The following OSBPL8 variants were observed in gnomAD, a reference collection of about 807,000 sequenced individuals.
OSBPL8 encodes the protein oxysterol-binding protein-related protein 8.
Under a neutral mutation model 125.5 loss-of-function variants are expected in OSBPL8, and 59 were observed. The ratio of observed to expected loss-of-function variants is 0.47; its 90% CI spans 0.38 to 0.58. The LOEUF is 0.58. OSBPL8 is among the 20% of genes least tolerant of loss of function. The pLI, the probability that OSBPL8 is intolerant of heterozygous loss-of-function variation, is 0.00. For synonymous variants in OSBPL8, 330 were observed against 338.9 expected (o/e 0.97, Z 0.29); for missense variants, 758 against 1,047.8 (o/e 0.72, Z 3.82).
intron 2 of OSBPL8, among the ~76,000 whole-genome samples, chr12:76,478,507 T>C (rs892771659): frequency 6.6e-6 from 1 of 152,176 alleles, no homozygotes; most frequent in Non-Finnish European, 1.5e-5. Flanking sequence ...GTTATTTCTC[T>C]TTCTTTTAAA....
At chr12:76,543,907 A>G (rs1950712631) in intron 1 of OSBPL8, among the ~76,000 whole-genome samples, 2 of 152,218 alleles carry the variant, frequency 1.3e-5, no homozygotes, top group East Asian at 1.9e-4. Context: ...CCAGAATTAA[A>G]TTACCATTCA....
chr12:76,499,353 C>CTATCATCTATG (rs1879648116), intron 1 of OSBPL8, among the ~76,000 whole-genome samples: 1 of 135,770 alleles, frequency 7.4e-6, no homozygotes, highest in African/African-American at 2.8e-5. Flanking sequence ...TATCTATCAT[C>CTATCATCTATG]TATCTATCTA....
chr12:76,431,916 CAGA>C (rs780182398), intron 4 of OSBPL8, among the ~76,000 whole-genome samples: 4 of 152,060 alleles, frequency 2.6e-5, no homozygotes, highest in Admixed American at 6.6e-5. Context: ...TCCCCAACAG[CAGA>C]AGAATACATG....
intron 2 of OSBPL8, among the ~76,000 whole-genome samples, chr12:76,472,878 T>C (rs1013020591): frequency 6.6e-6 from 1 of 152,108 alleles, no homozygotes; most frequent in African/African-American, 2.4e-5. Flanking sequence ...GCCTGACTGA[T>C]GTCAGGCCCT....
At chr12:76,499,020 A>G (rs947254750) in intron 1 of OSBPL8, among the ~76,000 whole-genome samples, 7 of 152,108 alleles carry the variant, frequency 4.6e-5, no homozygotes, top group African/African-American at 1.7e-4. Flanking sequence ...GCCAAAGGAG[A>G]TTAACATTTC....
At chr12:76,430,109 T>C (rs1870632565) in intron 4 of OSBPL8, among the ~76,000 whole-genome samples, 1 of 152,070 alleles carries the variant, frequency 6.6e-6, no homozygotes, top group African/African-American at 2.4e-5. Context: ...GTCCGCTGAG[T>C]GACCTCTCTG....
At chr12:76,397,565 T>C in intron 8 of OSBPL8, 129 bp downstream of exon 8, 1 of 927,804 alleles carries the variant, frequency 1.1e-6, no homozygotes, top group Middle Eastern at 3.2e-4. Flanking sequence ...AATGGGGGAA[T>C]AATGCAATGG....
intron 12 of OSBPL8, among the ~76,000 whole-genome samples, chr12:76,388,873 T>A (rs1252501326): frequency 6.6e-6 from 1 of 152,170 alleles, no homozygotes; most frequent in Non-Finnish European, 1.5e-5. Context: ...CAATGTTCGC[T>A]CATGCCATTT....
chr12:76,408,213 G>A (rs1487089034), intron 5 of OSBPL8, among the ~76,000 whole-genome samples: 2 of 149,192 alleles, frequency 1.3e-5, no homozygotes, highest in African/African-American at 4.9e-5. Context: ...TGTAATCCCA[G>A]CATTCTGGGA....
At chr12:76,451,987 C>T (rs1025049131) in intron 3 of OSBPL8, among the ~76,000 whole-genome samples, 2 of 151,988 alleles carry the variant, frequency 1.3e-5, no homozygotes, top group East Asian at 1.9e-4. Flanking sequence ...GACGTGTTGG[C>T]GCGCCTGTAA....
intron 1 of OSBPL8, among the ~76,000 whole-genome samples, chr12:76,492,134 C>T (rs183530125): frequency 4.9e-4 from 75 of 151,730 alleles, no homozygotes; most frequent in African/African-American, 1.6e-3. Context: ...CTAAGACTAC[C>T]CAGGGATTAA....
rs747676686 is a variant in OSBPL8, at chr12:76,375,257, T to C, written c.1827+16A>G. The C allele has an allele frequency of 1.3e-6, 2 of 1,528,050 alleles. No homozygotes were observed. The highest frequency in any genetic ancestry group is 1.8e-6 in the Non-Finnish European group (2 of 1,104,582). The allele number at this position is 1,528,050 out of a possible 1,614,324, so 94.7% of individuals were successfully genotyped here. ...TCTCCTTTAGCTAGGTGATACCTACTGTATTGTCTACTAACCTTTAGTTTA... is the reference window on the plus strand; with the variant it reads ...TCTCCTTTAGCTAGGTGATACCTACCGTATTGTCTACTAACCTTTAGTTTA... On this transcript the variant is annotated intron_variant, in intron 17 of 23. Transcript: ENST00000261183.
intron 4 of OSBPL8, among the ~76,000 whole-genome samples, chr12:76,421,828 T>C (rs977861826): frequency 3.9e-5 from 6 of 152,042 alleles, no homozygotes; most frequent in Non-Finnish European, 8.8e-5. Flanking sequence ...TCAATTTATG[T>C]CTACATCTCA....
chr12:76,544,346 C>G (rs1295006201), intron 1 of OSBPL8, among the ~76,000 whole-genome samples: 2 of 152,064 alleles, frequency 1.3e-5, no homozygotes, highest in African/African-American at 4.8e-5. Context: ...TACCAAATAC[C>G]AAATCCATTC....
Position 76,362,267 on chromosome 12 carries a change from A to G in OSBPL8, c.2329-3456T>C, listed in dbSNP as rs1013309783. ...TTTCAGGCCAATATTCCTGATGAACATCGATGCAAAAATCCTCAATAAAAT... is the reference window on the plus strand; with the variant it reads ...TTTCAGGCCAATATTCCTGATGAACGTCGATGCAAAAATCCTCAATAAAAT... On this transcript the variant is annotated intron_variant, in intron 21 of 23. Coordinates refer to ENST00000261183, the MANE Select transcript of OSBPL8 (RefSeq NM_020841.5). Among the ~76,000 whole-genome samples the G allele has an allele frequency of 1.1e-4, 17 of 151,070 alleles. No individual in the cohort carries two copies. The South Asian group carries it at 2.7e-3, about 24-fold the overall frequency.
chr12:76,507,223 T>C (rs780871392), intron 1 of OSBPL8, among the ~76,000 whole-genome samples: 17 of 151,894 alleles, frequency 1.1e-4, no homozygotes, highest in Admixed American at 7.9e-4. Context: ...CCTAACAAAG[T>C]TCCTAGAGAA....
intron 1 of OSBPL8, among the ~76,000 whole-genome samples, chr12:76,491,311 G>A (rs1878690412): frequency 1.3e-5 from 2 of 152,166 alleles, no homozygotes; most frequent in African/African-American, 4.8e-5. Context: ...TAAATATTCA[G>A]AGGTCTCGGA....
chr12:76,464,912 T>A (rs1039614075), intron 2 of OSBPL8, among the ~76,000 whole-genome samples: 4 of 152,188 alleles, frequency 2.6e-5, no homozygotes, highest in African/African-American at 9.7e-5. Flanking sequence ...ACAAAACATC[T>A]GAAGAGTGCT....
chr12:76,508,189 A>C (rs1274044690), intron 1 of OSBPL8, among the ~76,000 whole-genome samples: 2 of 152,172 alleles, frequency 1.3e-5, no homozygotes, highest in Non-Finnish European at 2.9e-5. Flanking sequence ...AAAAAGAAGA[A>C]TATTACTGGA....
Sources: allele counts gnomAD v4.1 joint callset (sites outside exome capture counted in the v4.1 genomes callset), GRCh38; gene constraint gnomAD v4.1.1; transcripts MANE v1.5; gene names NCBI Gene and HGNC (gene_info 2026-07-23, HGNC 2026-07-21).